The following SNTG1 variants were observed in gnomAD, a reference collection of about 807,000 sequenced individuals.
SNTG1 encodes the protein syntrophin gamma 1.
Under a neutral mutation model 74.7 loss-of-function variants are expected in SNTG1, and 39 were observed. That is an observed-to-expected ratio of 0.52 (90% CI 0.40 to 0.68). The LOEUF is 0.68. Among genes scored for constraint, SNTG1 ranks in the 30% least tolerant of loss-of-function variants. The pLI, the probability that SNTG1 is intolerant of heterozygous loss-of-function variation, is 0.00. For synonymous variants in SNTG1, 254 were observed against 217.1 expected (o/e 1.17, Z -1.49); for missense variants, 685 against 609.5 (o/e 1.12, Z -1.30).
intron 1 of SNTG1, among the ~76,000 whole-genome samples, chr8:50,103,117 G>A (rs1329698465): frequency 1.3e-5 from 2 of 152,112 alleles, no homozygotes; most frequent in Non-Finnish European, 2.9e-5. Context: ...GTAGCTTGAT[G>A]GGGATGGCAT....
At chr8:50,769,921 AG>A (rs2095623061) in intron 18 of SNTG1, among the ~76,000 whole-genome samples, 1 of 152,152 alleles carries the variant, frequency 6.6e-6, no homozygotes, top group Non-Finnish European at 1.5e-5. Context: ...TAGCAGAGAT[AG>A]GCAATGTAAT....
chr8:50,649,489 AC>A (rs749236458), intron 13 of SNTG1, among the ~76,000 whole-genome samples: 1 of 151,838 alleles, frequency 6.6e-6, no homozygotes, highest in African/African-American at 2.4e-5. Context: ...ACAGAGGGAG[AC>A]TCCTTCTCAA....
chr8:50,717,600 G>T (rs2095478054), intron 17 of SNTG1, among the ~76,000 whole-genome samples: 1 of 152,114 alleles, frequency 6.6e-6, no homozygotes, highest in South Asian at 2.1e-4. Flanking sequence ...TCTATAACTA[G>T]AATTTTATCA....
chr8:50,367,268 C>T (rs534898255), intron 2 of SNTG1, among the ~76,000 whole-genome samples: 2 of 151,714 alleles, frequency 1.3e-5, no homozygotes, highest in African/African-American at 4.8e-5. Context: ...ATTTTAGTCT[C>T]TTGACCACCA....
At chr8:50,096,181 A>G (rs1225474986) in intron 1 of SNTG1, among the ~76,000 whole-genome samples, 1 of 152,208 alleles carries the variant, frequency 6.6e-6, no homozygotes, top group Non-Finnish European at 1.5e-5. Context: ...TTCAATTTCC[A>G]TCAATGTCAA....
At chr8:50,220,534 G>C (rs966465881) in intron 2 of SNTG1, among the ~76,000 whole-genome samples, 1 of 152,134 alleles carries the variant, frequency 6.6e-6, no homozygotes, top group Non-Finnish European at 1.5e-5. Context: ...TGCTGCCACA[G>C]TGGTTGCTAA....
At chr8:50,471,505 A>G (rs992759199) in intron 8 of SNTG1, among the ~76,000 whole-genome samples, 2 of 152,218 alleles carry the variant, frequency 1.3e-5, no homozygotes, top group African/African-American at 4.8e-5. Context: ...AAACTCATTC[A>G]CTGCAGCTAG....
intron 18 of SNTG1, among the ~76,000 whole-genome samples, chr8:50,781,770 G>A (rs28822462): frequency 0.094 from 14,332 of 152,018 alleles, 1,969 homozygotes; most frequent in African/African-American, 0.3. Context: ...GTTATTGTGC[G>A]CGTTCGTTGA....
At chr8:50,553,256 C>T in intron 12 of SNTG1, 77 bp downstream of exon 12, 1 of 1,545,044 alleles carries the variant, frequency 6.5e-7, no homozygotes, top group Non-Finnish European at 8.8e-7. Flanking sequence ...TGTAACTTCA[C>T]ATCAACTGTT....
rs2094158203 is a variant in SNTG1 at position 50,519,124 on chromosome 8, T to A, written c.467-11053T>A. Among the ~76,000 whole-genome samples the A allele has an allele frequency of 2.0e-5, 3 of 152,200 alleles. No homozygotes were observed. The South Asian group carries it at 6.2e-4, about 31-fold the overall frequency. ...ATCCACCACGATCAAGCCGGCTTCA[T>A]CCCTGGGATGCAAGCCTGGTTAAAC... is the stretch of plus-strand genomic sequence containing the variant. On this transcript the variant is annotated intron_variant, in intron 9 of 18. Transcript: ENST00000642720.
intron 13 of SNTG1, among the ~76,000 whole-genome samples, chr8:50,651,015 TA>T (rs1343364377): frequency 1.3e-5 from 2 of 152,186 alleles, no homozygotes; most frequent in African/African-American, 4.8e-5. Context: ...ATTTAAATTT[TA>T]AAAGTAACTT....
chr8:50,705,871 A>G (rs1198992341), intron 16 of SNTG1, among the ~76,000 whole-genome samples: 2 of 152,378 alleles, frequency 1.3e-5, no homozygotes, highest in East Asian at 1.9e-4. Flanking sequence ...TGGACAAATT[A>G]AAAGGTTTTC....
intron 13 of SNTG1, among the ~76,000 whole-genome samples, chr8:50,624,192 A>C (rs1457217593): frequency 6.6e-6 from 1 of 152,066 alleles, no homozygotes; most frequent in Non-Finnish European, 1.5e-5. Flanking sequence ...AAGAAATATA[A>C]AAAATGTTTC....
intron 15 of SNTG1, among the ~76,000 whole-genome samples, chr8:50,691,836 G>C (rs545577619): frequency 3.9e-5 from 6 of 152,172 alleles, no homozygotes; most frequent in South Asian, 4.1e-4. Flanking sequence ...TAATATCCTG[G>C]AGAGTGTTTT....
intron 1 of SNTG1, among the ~76,000 whole-genome samples, chr8:49,990,689 A>G (rs2130302861): frequency 6.6e-6 from 1 of 152,254 alleles, no homozygotes; most frequent in Middle Eastern, 3.4e-3. Flanking sequence ...CAATTTGTGC[A>G]CAGGCATTTT....
At position 50,470,518 on chromosome 8, in the gene SNTG1, G is replaced by T. The variant is rs573879825; in HGVS notation, c.363+19789G>T. Among the ~76,000 whole-genome samples the T allele has an allele frequency of 2.0e-5, 3 of 152,254 alleles. No homozygotes were observed. In the South Asian group the frequency reaches 6.2e-4, roughly 32 times the overall value. The stretch of plus-strand genomic sequence containing the variant: ...AGGAGTGAAGCCGCAGACCTTCGTA[G>T]TGAGTGTTACAGCTCTTAAAGGTGG... On this transcript the variant is annotated intron_variant, in intron 8 of 18. Transcript: ENST00000642720.
intron 14 of SNTG1, among the ~76,000 whole-genome samples, chr8:50,657,657 C>T (rs2095191737): frequency 6.6e-6 from 1 of 152,084 alleles, no homozygotes; most frequent in Non-Finnish European, 1.5e-5. Flanking sequence ...TTAGAGGATT[C>T]TATCCTTGGC....
At chr8:50,333,025 G>A (rs1486192226) in intron 2 of SNTG1, among the ~76,000 whole-genome samples, 1 of 152,170 alleles carries the variant, frequency 6.6e-6, no homozygotes, top group Admixed American at 6.5e-5. Context: ...AAGCTAGCTA[G>A]CAATAGTTTG....
chr8:50,282,768 C>T (rs1054287165), intron 2 of SNTG1, among the ~76,000 whole-genome samples: 1 of 148,648 alleles, frequency 6.7e-6, no homozygotes, highest in Non-Finnish European at 1.5e-5. Context: ...CTGTCCATCT[C>T]AAAAAAAAAG....
Sources: gnomAD v4.1 joint callset for allele counts (sites outside exome capture counted in the v4.1 genomes callset) on GRCh38, gnomAD v4.1.1 for gene constraint, MANE v1.5 for transcripts, NCBI Gene and HGNC (gene_info 2026-07-23, HGNC 2026-07-21) for gene names.